The following FNBP1 variants were observed in gnomAD, a reference collection of about 807,000 sequenced individuals.
The protein encoded by FNBP1 is formin binding protein 1.
A neutral mutation model predicts 90.6 loss-of-function variants in FNBP1; 26 were observed. The observed-to-expected ratio is 0.29, with a 90% CI of 0.21 to 0.40. FNBP1 has a LOEUF of 0.40. FNBP1 is among the 10% of genes least tolerant of loss of function. FNBP1 has a pLI of 1.00. For synonymous variants in FNBP1, 260 were observed against 265.2 expected, an observed-to-expected ratio of 0.98 and a Z score of 0.19; for missense variants, 635 against 768.0, an observed-to-expected ratio of 0.83 and a Z score of 2.05.
chr9:129,918,997 T>TA, intron 10 of FNBP1: 1 of 124,818 alleles, frequency 8.0e-6, no homozygotes, highest in East Asian at 1.4e-4. Flanking sequence ...ATTAGGCTTT[T>TA]CTTTTTTTTT....
chr9:129,923,169 C>T (rs1174369920), intron 10 of FNBP1, among the ~76,000 whole-genome samples: 2 of 151,880 alleles, frequency 1.3e-5, no homozygotes, highest in African/African-American at 2.4e-5. Context: ...AGTCTCAGGT[C>T]GCTAGTTTTA....
At chr9:129,916,016 G>A (rs765031368) in intron 10 of FNBP1, 36 bp from the exon 11 acceptor site, 2 of 1,469,316 alleles carry the variant, frequency 1.4e-6, no homozygotes, top group Non-Finnish European at 1.9e-6. Context: ...GGGAAAAATA[G>A]AGAGAAAGAG....
intron 6 of FNBP1, among the ~76,000 whole-genome samples, chr9:129,946,275 C>T (rs532524064): frequency 6.6e-6 from 1 of 152,294 alleles, no homozygotes; most frequent in Non-Finnish European, 1.5e-5. Flanking sequence ...TGCTTCACAA[C>T]AGGGACATCT....
chr9:129,950,266 T>C (rs1429481840), intron 6 of FNBP1, among the ~76,000 whole-genome samples: 2 of 152,216 alleles, frequency 1.3e-5, no homozygotes, highest in East Asian at 1.9e-4. Context: ...AGAATTTCAA[T>C]GTTTAGACAT....
At chr9:129,976,741 T>G (rs1396178757) in intron 4 of FNBP1, among the ~76,000 whole-genome samples, 2 of 152,210 alleles carry the variant, frequency 1.3e-5, no homozygotes, top group Non-Finnish European at 2.9e-5. Context: ...CATAGCACGT[T>G]CTACTCTTAC....
At position 129,915,952 on chromosome 9, in the gene FNBP1, A is replaced by G; in HGVS notation, c.1185+14T>C. On this transcript the variant is annotated intron_variant, in intron 11 of 16. Transcript: ENST00000446176. ...TGATTAGACTCAGGACATGCATGGA[A>G]CAATTGTGCTTACCAGCTTGAGAGA... 1 of 1,605,092 alleles carries G rather than the reference A, an allele frequency of 6.2e-7. No homozygotes were observed. The highest frequency in any genetic ancestry group is 8.5e-7 in the Non-Finnish European group (1 of 1,172,290).
chr9:130,049,042 G>T, the FNBP1 span, among the ~76,000 whole-genome samples: 1 of 151,812 alleles, frequency 6.6e-6, no homozygotes, highest in Non-Finnish European at 1.5e-5. Flanking sequence ...GCCTCCCAAA[G>T]TGCTGGGATT....
chr9:129,895,877 T>C lies in FNBP1; in HGVS notation c.1807A>G (p.Thr603Ala). 1.2e-6 allele frequency: 2 copies of C among 1,613,506 alleles called. No individual in the cohort carries two copies. ...RNEDEEGYVPTSYVEVCLDKN... is the reference protein window; with the variant it reads ...RNEDEEGYVPASYVEVCLDKN... ...TCCAAACAGACTTCGACATATGAAGTGGGGACATAACCCTCTTCATCTTCA... is the reference window on the plus strand; with the variant it reads ...TCCAAACAGACTTCGACATATGAAGCGGGGACATAACCCTCTTCATCTTCA... Residue 603 changes from threonine (T) to alanine (A), a missense_variant, in exon 16 of 17, where the codon ACT becomes GCT. Transcript: ENST00000446176.
chr9:130,027,645 C>T (rs1013607910), intron 1 of FNBP1, among the ~76,000 whole-genome samples: 3 of 152,088 alleles, frequency 2.0e-5, no homozygotes, highest in Admixed American at 2.0e-4. Flanking sequence ...TCCATCATTG[C>T]TGAGGCCTCA....
chr9:129,890,252 GT>G lies in FNBP1; in HGVS notation c.*286del. 14 of 509,070 alleles carry G rather than the reference GT, an allele frequency of 2.8e-5. No individual in the cohort carries two copies. Among genetic ancestry groups the G allele is most frequent in the Admixed American group, 1.1e-4 (3 of 27,456 alleles). The allele number at this position is 509,070 out of a possible 1,614,324, so 31.5% of individuals were successfully genotyped here. On this transcript the variant is annotated 3_prime_UTR_variant, in exon 17 of 17. Coordinates refer to ENST00000446176, the MANE Select transcript of FNBP1 (RefSeq NM_015033.3). This position sits in a 1 kb window ranked among gnomAD's most constrained non-coding sequence, Gnocchi z 5.8. Reference sequence around the variant, plus strand: ...CCCAGGAAGGAGCAGGTAGGGGCGTGTGTCCCACCGTCTCAGTGGCCTGCGC... The same window carrying G: ...CCCAGGAAGGAGCAGGTAGGGGCGTGGTCCCACCGTCTCAGTGGCCTGCGC...
chr9:129,998,258 C>G (rs890962993), intron 1 of FNBP1, among the ~76,000 whole-genome samples: 2 of 148,370 alleles, frequency 1.3e-5, no homozygotes, highest in Non-Finnish European at 3.0e-5. Flanking sequence ...AATCCCAGCA[C>G]TTTGGGAGGC....
upstream of FNBP1, among the ~76,000 whole-genome samples, chr9:130,045,678 T>A (rs1023356914): frequency 9.2e-5 from 14 of 152,188 alleles, no homozygotes; most frequent in African/African-American, 3.1e-4. Flanking sequence ...TATCTTTAAC[T>A]TCATTAAGCT....
At chr9:129,992,301 C>T (rs1026298867) in intron 2 of FNBP1, among the ~76,000 whole-genome samples, 4 of 152,160 alleles carry the variant, frequency 2.6e-5, no homozygotes, top group South Asian at 2.1e-4. Flanking sequence ...AAATAATCAA[C>T]GTGAAACAGA....
At chr9:129,941,197 T>C (rs2044272207) in intron 6 of FNBP1, among the ~76,000 whole-genome samples, 1 of 151,864 alleles carries the variant, frequency 6.6e-6, no homozygotes, top group South Asian at 2.1e-4. Context: ...AAGACCAGTC[T>C]GGCAAACATG....
intron 6 of FNBP1, among the ~76,000 whole-genome samples, chr9:129,930,945 T>C (rs1259021794): frequency 6.6e-6 from 1 of 152,206 alleles, no homozygotes; most frequent in Non-Finnish European, 1.5e-5. Flanking sequence ...TCTTCCAACA[T>C]AACCAGGGCA....
intron 6 of FNBP1, among the ~76,000 whole-genome samples, chr9:129,938,112 G>A (rs1036506552): frequency 1.3e-5 from 2 of 152,076 alleles, no homozygotes; most frequent in Admixed American, 6.6e-5. Flanking sequence ...GCACTGAGCC[G>A]AGATTGAGCC....
chr9:129,899,858 G>A lies in FNBP1; in HGVS notation c.1687+107C>T, dbSNP rs1292793073. On this transcript the variant is annotated intron_variant, in intron 15 of 16. Transcript: ENST00000446176. Reference sequence around the variant, plus strand: ...TAGGAAGGAAGGAAGGAAGGACAAAGGAATAAAAATGATCAGAAGGAAGGA... The same window carrying A: ...TAGGAAGGAAGGAAGGAAGGACAAAAGAATAAAAATGATCAGAAGGAAGGA... The A allele has an allele frequency of 4.0e-6, 4 of 1,010,018 alleles. 1 individual carries two copies. Among genetic ancestry groups the A allele is most frequent in the African/African-American group, 1.7e-5 (1 of 59,140 alleles). The allele number at this position is 1,010,018 out of a possible 1,614,324, so 62.6% of individuals were successfully genotyped here.
At chr9:130,027,707 T>C (rs770972160) in intron 1 of FNBP1, among the ~76,000 whole-genome samples, 2 of 152,100 alleles carry the variant, frequency 1.3e-5, no homozygotes, top group Non-Finnish European at 2.9e-5. Context: ...GTTAGAATCA[T>C]CTGGAAGCCC....
intron 7 of FNBP1, among the ~76,000 whole-genome samples, chr9:129,929,109 A>C (rs118064349): frequency 0.034 from 5,158 of 151,588 alleles, 154 homozygotes; most frequent in African/African-American, 0.077. Context: ...AAACAAAAAC[A>C]AAACAAAACA....
Sources: allele counts gnomAD v4.1 joint callset (sites outside exome capture counted in the v4.1 genomes callset), GRCh38; gene constraint gnomAD v4.1.1; non-coding constraint Gnocchi (gnomAD v3.1); transcripts MANE v1.5; gene names NCBI Gene and HGNC (gene_info 2026-07-23, HGNC 2026-07-21).